PCLO: variants seen among roughly 807,000 people sequenced by gnomAD.
The protein encoded by PCLO is piccolo presynaptic cytomatrix protein.
PCLO carries 82 observed loss-of-function variants against 427.5 expected under a neutral mutation model. The ratio of observed to expected loss-of-function variants is 0.19; its 90% CI spans 0.16 to 0.23. PCLO has a LOEUF of 0.23. PCLO is among the 10% of genes least tolerant of loss of function. The pLI is 1.00. For synonymous variants in PCLO, 2,357 were observed against 2,155.4 expected, an observed-to-expected ratio of 1.09 and a Z score of -2.59; for missense variants, 6,239 against 6,115.9, an observed-to-expected ratio of 1.02 and a Z score of -0.67.
intron 9 of PCLO, among the ~76,000 whole-genome samples, chr7:82,897,107 G>A (rs954542684): frequency 1.3e-5 from 2 of 151,356 alleles, no homozygotes; most frequent in Admixed American, 6.6e-5. Context: ...AACATTTGTT[G>A]AGCATACAGT....
At chr7:82,922,589 G>A (rs1794622725) in intron 6 of PCLO, among the ~76,000 whole-genome samples, 1 of 151,962 alleles carries the variant, frequency 6.6e-6, no homozygotes, top group African/African-American at 2.4e-5. Context: ...GTCTGAGGGT[G>A]GAGAGTGGGA....
intron 3 of PCLO, among the ~76,000 whole-genome samples, chr7:83,093,490 A>T (rs186768918): frequency 0.2 from 13,159 of 65,312 alleles, 1,661 homozygotes; most frequent in East Asian, 0.28. Context: ...ATATATATAT[A>T]TATTTTTTTT....
intron 3 of PCLO, among the ~76,000 whole-genome samples, chr7:83,120,462 G>A (rs1406292255): frequency 6.8e-6 from 1 of 146,482 alleles, no homozygotes; most frequent in East Asian, 2.0e-4. Flanking sequence ...CAAACCTAGA[G>A]AAAGTTACCA....
At chr7:83,010,558 T>C (rs1436361527) in intron 3 of PCLO, among the ~76,000 whole-genome samples, 2 of 150,554 alleles carry the variant, frequency 1.3e-5, no homozygotes, top group Non-Finnish European at 3.0e-5. Context: ...TACAAATAAT[T>C]GTATATATGT....
chr7:83,067,482 T>C lies in PCLO; in HGVS notation c.3300+66768A>G, dbSNP rs563999691. On this transcript the variant is annotated intron_variant, in intron 3 of 24. Coordinates refer to ENST00000333891, the MANE Select transcript of PCLO (RefSeq NM_033026.6). ...TTTTTCCTTTTTAGAAAGAATTTTT[T>C]CTTGACTAGTATTGTAATAAAGACA... Among the ~76,000 whole-genome samples, 5 of 152,074 alleles carry C rather than the reference T, an allele frequency of 3.3e-5. 1 individual carries two copies. The highest frequency in any genetic ancestry group is 1.2e-4 in the African/African-American group (5 of 41,332).
chr7:82,795,892 T>G (rs1791213647), intron 22 of PCLO, among the ~76,000 whole-genome samples: 1 of 152,210 alleles, frequency 6.6e-6, no homozygotes, highest in African/African-American at 2.4e-5. Context: ...TTTAGTATTC[T>G]TATCTTGATT....
chr7:83,103,650 T>C (rs1790788054), intron 3 of PCLO, among the ~76,000 whole-genome samples: 1 of 152,022 alleles, frequency 6.6e-6, no homozygotes, highest in African/African-American at 2.4e-5. Context: ...CATTTCAATA[T>C]TGTGTTCTGC....
intron 22 of PCLO, among the ~76,000 whole-genome samples, chr7:82,794,125 G>A (rs1045308533): frequency 1.3e-5 from 2 of 151,958 alleles, no homozygotes; most frequent in Non-Finnish European, 2.9e-5. Context: ...TGTAGTTAAC[G>A]TACATTAATT....
intron 10 of PCLO, among the ~76,000 whole-genome samples, chr7:82,877,542 G>A (rs537197272): frequency 1.8e-4 from 27 of 152,174 alleles, no homozygotes; most frequent in African/African-American, 5.3e-4. Flanking sequence ...ACGCATATAC[G>A]CCAAGTACTT....
chr7:82,909,043 G>A (rs369687725), intron 7 of PCLO, 30 bp from the exon 8 acceptor site: 1 of 1,608,558 alleles, frequency 6.2e-7, no homozygotes, highest in African/African-American at 1.3e-5. Context: ...ATCATACATT[G>A]CAACGGCAAG....
At chr7:83,151,200 GA>G (rs1009249293) in intron 2 of PCLO, among the ~76,000 whole-genome samples, 8 of 151,632 alleles carry the variant, frequency 5.3e-5, no homozygotes, top group South Asian at 2.1e-4. Flanking sequence ...TTTCTTATAG[GA>G]AAAAAAATCA....
intron 9 of PCLO, among the ~76,000 whole-genome samples, chr7:82,898,557 T>C (rs1793962898): frequency 6.6e-6 from 1 of 151,372 alleles, no homozygotes; most frequent in African/African-American, 2.4e-5. Context: ...TAACCAAAAT[T>C]AAAATTCACT....
At chr7:82,998,127 A>C (rs998300569) in intron 3 of PCLO, among the ~76,000 whole-genome samples, 1 of 151,990 alleles carries the variant, frequency 6.6e-6, no homozygotes, top group Non-Finnish European at 1.5e-5. Flanking sequence ...TACGGAAACC[A>C]GTACTGGGGC....
intron 6 of PCLO, among the ~76,000 whole-genome samples, chr7:82,922,733 A>T (rs557668633): frequency 6.6e-6 from 1 of 152,104 alleles, no homozygotes; most frequent in East Asian, 1.9e-4. Flanking sequence ...TCTGAACCTA[A>T]AATAGAAGTT....
chr7:82,773,874 A>T (rs1790695370), intron 22 of PCLO, among the ~76,000 whole-genome samples: 1 of 152,118 alleles, frequency 6.6e-6, no homozygotes, highest in Non-Finnish European at 1.5e-5. Context: ...AGAAATCTGA[A>T]GGTAAGAGGA....
At chr7:82,867,640 A>C (rs1334115025) in intron 10 of PCLO, among the ~76,000 whole-genome samples, 1 of 152,202 alleles carries the variant, frequency 6.6e-6, no homozygotes, top group East Asian at 1.9e-4. Flanking sequence ...TAACTGTAGG[A>C]ACAATTGTTC....
In PCLO at chr7:82,761,496, G is replaced by A; in HGVS notation, c.15008-3C>T. 1 of 1,589,012 alleles carries A rather than the reference G, an allele frequency of 6.3e-7. No homozygotes were observed. Among genetic ancestry groups the A allele is most frequent in the Non-Finnish European group, 8.6e-7 (1 of 1,167,420 alleles). On this transcript the variant is annotated splice_polypyrimidine_tract_variant and splice_region_variant and intron_variant, in intron 22 of 24. Coordinates refer to ENST00000333891, the MANE Select transcript of PCLO (RefSeq NM_033026.6). ...TTCTCCCATTACCTGAGTTTTAGCT[G>A]GGAGAATTTAATAAAAATGCAAAGA...
chr7:83,059,362 A>ATATATATATATATATATG (rs1789484818), intron 3 of PCLO, among the ~76,000 whole-genome samples: 1 of 113,864 alleles, frequency 8.8e-6, no homozygotes, highest in African/African-American at 3.9e-5. Context: ...TTTAAAATAT[A>ATATATATATATATATATG]TATATATATA....
intron 9 of PCLO, among the ~76,000 whole-genome samples, chr7:82,895,195 C>A (rs573435379): frequency 1.1e-4 from 16 of 151,580 alleles, no homozygotes; most frequent in African/African-American, 3.6e-4. Context: ...GGAAAAATCC[C>A]CAAACATTAG....
Sources: allele counts gnomAD v4.1 joint callset (sites outside exome capture counted in the v4.1 genomes callset), GRCh38; gene constraint gnomAD v4.1.1; transcripts MANE v1.5; gene names NCBI Gene and HGNC (gene_info 2026-07-23, HGNC 2026-07-21).